Variants in CDC42BPB observed in about 807,000 individuals in gnomAD.
CDC42BPB encodes CDC42 binding protein kinase beta, also known as serine/threonine-protein kinase MRCK beta.
A neutral mutation model predicts 214.9 loss-of-function variants in CDC42BPB; 37 were observed. That is an observed-to-expected ratio of 0.17 (90% CI 0.13 to 0.23). The LOEUF is 0.23. Among genes scored for constraint, CDC42BPB ranks in the 10% least tolerant of loss-of-function variants. The pLI is 1.00. For synonymous variants in CDC42BPB, 931 were observed against 884.0 expected (o/e 1.05, Z -0.94); for missense variants, 1,694 against 2,227.0 (o/e 0.76, Z 4.82).
intron 1 of CDC42BPB, chr14:103,041,464 CA>C: frequency 1.7e-6 from 2 of 1,167,950 alleles, no homozygotes; most frequent in Non-Finnish European, 2.5e-6. Context: ...GGGCTCTAGG[CA>C]GCCATGGCGC....
At chr14:102,977,986 C>T in intron 9 of CDC42BPB, 140 bp downstream of exon 9, 1 of 639,246 alleles carries the variant, frequency 1.6e-6, no homozygotes, top group Non-Finnish European at 2.8e-6. Context: ...GACCAAAAAC[C>T]CATCTCCATC....
chr14:103,016,807 A>T (rs1227127550), intron 1 of CDC42BPB, among the ~76,000 whole-genome samples: 2 of 128,806 alleles, frequency 1.6e-5, no homozygotes, highest in African/African-American at 6.3e-5. Context: ...ACAGAGTCCT[A>T]GCTCTGTCTA....
In CDC42BPB at chr14:102,933,848, G is replaced by T. The variant is rs755677490; in HGVS notation, c.5005-5C>A. 1 of 1,519,560 alleles carries T rather than the reference G, an allele frequency of 6.6e-7. No individual in the cohort carries two copies. Among genetic ancestry groups the T allele is most frequent in the Non-Finnish European group, 8.8e-7 (1 of 1,140,794 alleles). The allele number at this position is 1,519,560 out of a possible 1,614,324, so 94.1% of individuals were successfully genotyped here. A position where few individuals can be genotyped will look rare whatever the true frequency, so the allele number is the denominator to read the frequency against. ...TTTGGTGGAGTCCGAATCAGGCTGT[G>T]AACAGGAAGAGGGCAGGGTGAGCAC... On this transcript the variant is annotated splice_region_variant and splice_polypyrimidine_tract_variant and intron_variant, in intron 36 of 36. Transcript: ENST00000361246.
intron 5 of CDC42BPB, among the ~76,000 whole-genome samples, chr14:102,990,948 G>A (rs777454577): frequency 1.3e-5 from 2 of 152,218 alleles, no homozygotes; most frequent in Non-Finnish European, 2.9e-5. Flanking sequence ...TTCCTTAGAG[G>A]AGAAAGCCGG....
chr14:103,004,866 C>G lies in CDC42BPB; in HGVS notation c.352-843G>C, dbSNP rs532308738. Among the ~76,000 whole-genome samples the G allele has an allele frequency of 6.6e-6, 1 of 150,836 alleles. No individual in the cohort carries two copies. Among genetic ancestry groups the G allele is most frequent in the South Asian group, 2.1e-4 (1 of 4,736 alleles). On this transcript the variant is annotated intron_variant, in intron 3 of 36. Coordinates refer to ENST00000361246, the MANE Select transcript of CDC42BPB (RefSeq NM_006035.4). The surrounding 1 kb of genome is among the most constrained non-coding windows in gnomAD (Gnocchi z 5.3). ...CCTGGACGACAGAGCCAGACTCCAT[C>G]TCAAAAAGAAAAAAAAAATGGCTGG...
rs1326459899 is a variant in CDC42BPB at position 102,939,737 on chromosome 14, G to C, written c.4710-10C>G. ...GTCTCTAAGCATCTCTCTGGGGAAAGGACACACTTTTGAGATTCATGGATA... is the reference window on the plus strand; with the variant it reads ...GTCTCTAAGCATCTCTCTGGGGAAACGACACACTTTTGAGATTCATGGATA... On this transcript the variant is annotated splice_polypyrimidine_tract_variant and intron_variant, in intron 33 of 36. Coordinates refer to ENST00000361246, the MANE Select transcript of CDC42BPB (RefSeq NM_006035.4). 3 of 1,614,000 alleles carry C rather than the reference G, an allele frequency of 1.9e-6. No homozygotes were observed. Among genetic ancestry groups the C allele is most frequent in the Non-Finnish European group, 2.5e-6 (3 of 1,180,008 alleles).
In CDC42BPB at chr14:103,053,668, A is replaced by G. The variant is rs907057572; in HGVS notation, c.175+3331T>C. On this transcript the variant is annotated intron_variant, in intron 1 of 36. Transcript: ENST00000361246. ...TCCCAGCTACTCAGGAGGCTGAGGC[A>G]GGAGAACAACGTGAACCCGGGAGGC... Among the ~76,000 whole-genome samples, 6 of 149,524 alleles carry G rather than the reference A, an allele frequency of 4.0e-5. No individual in the cohort carries two copies. The East Asian group carries it at 6.3e-4, about 16-fold the overall frequency.
intron 4 of CDC42BPB, among the ~76,000 whole-genome samples, chr14:103,002,288 G>T (rs1211942978): frequency 6.6e-6 from 1 of 152,214 alleles, no homozygotes; most frequent in African/African-American, 2.4e-5. Flanking sequence ...AGCTTCCAAG[G>T]CCTCGCCTTC....
intron 12 of CDC42BPB, among the ~76,000 whole-genome samples, chr14:102,973,750 T>C (rs947450510): frequency 6.6e-6 from 1 of 152,150 alleles, no homozygotes; most frequent in African/African-American, 2.4e-5. Flanking sequence ...CTGGAGAGGC[T>C]GATTGCGAGG....
In CDC42BPB at chr14:102,962,314, C is replaced by T. The variant is rs35433615; in HGVS notation, c.2821+747G>A. ...CAATCCCACTTCTAGAACTCTATCCCGAAATACACCGACAAAAACAGGAAA... is the reference window on the plus strand; with the variant it reads ...CAATCCCACTTCTAGAACTCTATCCTGAAATACACCGACAAAAACAGGAAA... On this transcript the variant is annotated intron_variant, in intron 20 of 36. Transcript: ENST00000361246. 1.3e-3 allele frequency among the ~76,000 whole-genome samples: 200 copies of T among 152,300 alleles called. 1 individual carries two copies. The highest frequency in any genetic ancestry group is 0.011 in the East Asian group (55 of 5,182).
chr14:103,049,578 G>A (rs1400950124), intron 1 of CDC42BPB, among the ~76,000 whole-genome samples: 2 of 152,268 alleles, frequency 1.3e-5, no homozygotes, highest in African/African-American at 2.4e-5. Context: ...CTGGTAGAGG[G>A]ACTGCTGTCT....
chr14:103,054,660 T>C (rs762334691), intron 1 of CDC42BPB, among the ~76,000 whole-genome samples: 8 of 152,234 alleles, frequency 5.3e-5, no homozygotes, highest in South Asian at 2.1e-4. Context: ...ACTTGTAAAA[T>C]ATATTGATAT....
intron 13 of CDC42BPB, 87 bp downstream of exon 13, chr14:102,971,832 G>A: frequency 1.4e-6 from 2 of 1,410,820 alleles, no homozygotes; most frequent in Non-Finnish European, 1.9e-6. Context: ...CCCTTTTACA[G>A]TAATGCAGCC....
rs1046854623 is a variant in CDC42BPB at position 103,001,492 on chromosome 14, G to A, written c.448-1779C>T. 3.3e-5 allele frequency among the ~76,000 whole-genome samples: 5 copies of A among 152,172 alleles called. No homozygotes were observed. The South Asian group carries it at 8.3e-4, about 25-fold the overall frequency. On this transcript the variant is annotated intron_variant, in intron 4 of 36. Transcript: ENST00000361246. This position sits in a 1 kb window ranked among gnomAD's most constrained non-coding sequence, Gnocchi z 5.8. ...CCAGATGAAGGGGTGCGTGCAAAGC[G>A]GCTAGGAGGAAAGTGGCAGCGGCAC...
chr14:103,041,599 A>G (rs540628179), intron 1 of CDC42BPB: 161 of 894,242 alleles, frequency 1.8e-4, no homozygotes, highest in South Asian at 1.5e-3. Flanking sequence ...AGTGCCCCAC[A>G]TTGCCCTGCA....
At chr14:102,938,853 C>T (rs893979087) in intron 34 of CDC42BPB, among the ~76,000 whole-genome samples, 2 of 151,970 alleles carry the variant, frequency 1.3e-5, no homozygotes, top group Admixed American at 1.3e-4. Flanking sequence ...GTCTCAAACT[C>T]CTGACCTCAG....
At chr14:102,966,461 C>G in intron 17 of CDC42BPB, 74 bp from the exon 18 acceptor site, 3 of 1,584,418 alleles carry the variant, frequency 1.9e-6, no homozygotes, top group Non-Finnish European at 2.6e-6. Flanking sequence ...AGGGGACGTT[C>G]CCGCCTTCCT....
intron 5 of CDC42BPB, among the ~76,000 whole-genome samples, chr14:102,991,940 T>C (rs114588484): frequency 0.047 from 7,208 of 152,314 alleles, 175 homozygotes; most frequent in Middle Eastern, 0.075. Context: ...CAGAGGGCTA[T>C]TCAAACTCAA....
chr14:103,055,822 T>C (rs1200679773), intron 1 of CDC42BPB, among the ~76,000 whole-genome samples: 1 of 152,272 alleles, frequency 6.6e-6, no homozygotes, highest in Non-Finnish European at 1.5e-5. Flanking sequence ...GTGGAACACT[T>C]TCATTTGTTT....
Sources: allele counts gnomAD v4.1 joint callset (sites outside exome capture counted in the v4.1 genomes callset), GRCh38; gene constraint gnomAD v4.1.1; non-coding constraint Gnocchi (gnomAD v3.1); transcripts MANE v1.5; gene names NCBI Gene and HGNC (gene_info 2026-07-23, HGNC 2026-07-21).